Variants in SULF2 observed in about 807,000 individuals in gnomAD.
SULF2 encodes the protein sulfatase 2.
A neutral mutation model predicts 107.7 loss-of-function variants in SULF2; 52 were observed. That is an observed-to-expected ratio of 0.48 (90% CI 0.39 to 0.61). The LOEUF (loss-of-function observed/expected upper bound fraction) is 0.61. SULF2 is among the 20% of genes least tolerant of loss of function. The probability of loss-of-function intolerance (pLI) is 0.00; values close to 1 mark genes in which losing one functional copy is unlikely to be tolerated. For missense variants in SULF2, 993 were observed against 1,177.3 expected (o/e 0.84, Z 2.29); for synonymous variants, 460 against 464.3 (o/e 0.99, Z 0.12).
chr20:47,673,823 A>G (rs996140076), intron 10 of SULF2, among the ~76,000 whole-genome samples: 6 of 152,246 alleles, frequency 3.9e-5, no homozygotes, highest in Non-Finnish European at 8.8e-5. Flanking sequence ...AGGGGAGCAC[A>G]GGCCCAGAAG....
chr20:47,764,977 C>G (rs529284422), intron 1 of SULF2, among the ~76,000 whole-genome samples: 2 of 152,264 alleles, frequency 1.3e-5, no homozygotes, highest in African/African-American at 4.8e-5. Context: ...AGAACCTGCC[C>G]AGTGTCGTGC....
At chr20:47,771,927 G>C (rs1257474809) in intron 1 of SULF2, among the ~76,000 whole-genome samples, 1 of 152,204 alleles carries the variant, frequency 6.6e-6, no homozygotes, top group Non-Finnish European at 1.5e-5. Context: ...CAGCTCCCCA[G>C]GAAGTTTCTG....
intron 1 of SULF2, among the ~76,000 whole-genome samples, chr20:47,769,587 C>A (rs1385878759): frequency 6.6e-6 from 1 of 152,126 alleles, no homozygotes; most frequent in Non-Finnish European, 1.5e-5. Context: ...ACGGCCCCAG[C>A]TCCTGGCAGA....
chr20:47,697,693 C>G (rs2088429800), intron 4 of SULF2, among the ~76,000 whole-genome samples: 1 of 152,206 alleles, frequency 6.6e-6, no homozygotes, highest in Non-Finnish European at 1.5e-5. Context: ...CCTCTCACGC[C>G]TCCCTCACAG....
intron 2 of SULF2, among the ~76,000 whole-genome samples, chr20:47,754,745 C>T (rs183565431): frequency 2.4e-4 from 37 of 152,338 alleles, no homozygotes; most frequent in Non-Finnish European, 3.8e-4. Context: ...CAAACGCACA[C>T]GCTACCAATC....
intron 3 of SULF2, among the ~76,000 whole-genome samples, chr20:47,734,235 G>GTC (rs1177393350): frequency 1.3e-5 from 2 of 152,136 alleles, no homozygotes; most frequent in African/African-American, 4.8e-5. Context: ...GACATCCCCG[G>GTC]TCTCTCTCAC....
intron 1 of SULF2, among the ~76,000 whole-genome samples, chr20:47,775,668 A>C (rs2090711431): frequency 6.6e-6 from 1 of 152,172 alleles, no homozygotes; most frequent in Admixed American, 6.5e-5. Context: ...CATTCATTCA[A>C]ACAGCCAGTA....
chr20:47,755,394 C>T (rs1028933865), intron 2 of SULF2, among the ~76,000 whole-genome samples: 1 of 152,190 alleles, frequency 6.6e-6, no homozygotes, highest in Non-Finnish European at 1.5e-5. Flanking sequence ...TCACAAGTCA[C>T]AGATGCAAAA....
In SULF2 at chr20:47,785,445, TGCCGCTGCC is replaced by T. The variant is rs1291909628; in HGVS notation, c.-212_-204del. ...GGCGCAGGGGACTCCGCGCCGCCGC[TGCCGCTGCC>T]GCCGCCGCCGCCGCCGCTGCCGCTG... On this transcript the variant is annotated 5_prime_UTR_variant, in exon 1 of 21. Coordinates refer to ENST00000688720, the MANE Select transcript of SULF2 (RefSeq NM_001387048.1). 8.1e-5 allele frequency: 12 copies of T among 147,642 alleles called. No homozygotes were observed. Among genetic ancestry groups the T allele is most frequent in the South Asian group, 3.6e-4 (2 of 5,496 alleles). 9.1% of individuals were successfully genotyped at this position (147,642 alleles called of 1,614,324 possible).
chr20:47,726,515 C>T (rs1217372534), intron 3 of SULF2, among the ~76,000 whole-genome samples: 1 of 152,178 alleles, frequency 6.6e-6, no homozygotes, highest in Non-Finnish European at 1.5e-5. Context: ...GCTCTATTCT[C>T]CTGCTGTCCA....
At chr20:47,748,808 G>A (rs993400842) in intron 2 of SULF2, among the ~76,000 whole-genome samples, 1 of 152,208 alleles carries the variant, frequency 6.6e-6, no homozygotes, top group Non-Finnish European at 1.5e-5. Flanking sequence ...CTGGGTTCCA[G>A]TAACCTCTTG....
At chr20:47,692,280 A>C (rs1284930606) in intron 4 of SULF2, among the ~76,000 whole-genome samples, 1 of 152,238 alleles carries the variant, frequency 6.6e-6, no homozygotes, top group Non-Finnish European at 1.5e-5. Flanking sequence ...ATATCTACAG[A>C]CACTCTTTCA....
At chr20:47,778,065 T>C (rs1395610593) in intron 1 of SULF2, among the ~76,000 whole-genome samples, 1 of 151,908 alleles carries the variant, frequency 6.6e-6, no homozygotes, top group African/African-American at 2.4e-5. Flanking sequence ...CACTTGAGCT[T>C]GGGAGGTTGA....
intron 2 of SULF2, among the ~76,000 whole-genome samples, chr20:47,741,281 A>T (rs1441306550): frequency 9.7e-6 from 1 of 102,810 alleles, no homozygotes; most frequent in African/African-American, 3.8e-5. Context: ...CTCTGCAGCC[A>T]CAGGGTCCCC....
chr20:47,757,072 T>C (rs56114566), intron 2 of SULF2, 117 bp downstream of exon 2: 287,622 of 952,358 alleles, frequency 0.3, 47,409 homozygotes, highest in Non-Finnish European at 0.34. Context: ...TTGGTTTCAA[T>C]GTACTCAAAA....
chr20:47,725,126 G>A (rs2089404115), intron 3 of SULF2, among the ~76,000 whole-genome samples: 1 of 152,206 alleles, frequency 6.6e-6, no homozygotes. Context: ...CAATTACAAG[G>A]GCAGCTGGGT....
chr20:47,720,068 C>T (rs1003810421), intron 3 of SULF2, among the ~76,000 whole-genome samples: 2 of 152,206 alleles, frequency 1.3e-5, no homozygotes, highest in African/African-American at 4.8e-5. Context: ...CCCACCTCAG[C>T]CTCCCGAGTA....
At chr20:47,670,900 C>T in intron 11 of SULF2, among the ~76,000 whole-genome samples, 1 of 151,876 alleles carries the variant, frequency 6.6e-6, no homozygotes, top group East Asian at 1.9e-4. Flanking sequence ...AAAAACAACA[C>T]CTAAAATCTC....
At chr20:47,724,343 C>T (rs1027875823) in intron 3 of SULF2, among the ~76,000 whole-genome samples, 7 of 152,250 alleles carry the variant, frequency 4.6e-5, no homozygotes, top group Admixed American at 3.3e-4. Flanking sequence ...CCACTCCATG[C>T]ATTCCTGTCT....
Sources: gnomAD v4.1 joint callset for allele counts (sites outside exome capture counted in the v4.1 genomes callset) on GRCh38, gnomAD v4.1.1 for gene constraint, MANE v1.5 for transcripts, NCBI Gene and HGNC (gene_info 2026-07-23, HGNC 2026-07-21) for gene names.